The following CDH12 variants were observed in gnomAD, a reference collection of about 807,000 sequenced individuals.
CDH12 encodes the protein cadherin 12, also known as cadherin-12.
CDH12 carries 41 observed loss-of-function variants against 74.1 expected under a neutral mutation model. That is an observed-to-expected ratio of 0.55 (90% CI 0.43 to 0.72). The LOEUF is 0.72. CDH12 is among the 30% of genes least tolerant of loss of function. The pLI is 0.00. For missense variants in CDH12, 945 were observed against 977.2 expected, an observed-to-expected ratio of 0.97 and a Z score of 0.44; for synonymous variants, 399 against 355.0, an observed-to-expected ratio of 1.12 and a Z score of -1.39.
chr5:21,977,630 T>C (rs1757126384), intron 5 of CDH12, among the ~76,000 whole-genome samples: 2 of 152,108 alleles, frequency 1.3e-5, no homozygotes, highest in Non-Finnish European at 2.9e-5. Flanking sequence ...AAATCATAAC[T>C]GTTTCCTTTG....
intron 7 of CDH12, among the ~76,000 whole-genome samples, chr5:21,846,436 CCAGA>C (rs1340963481): frequency 1.3e-5 from 2 of 151,956 alleles, no homozygotes; most frequent in Non-Finnish European, 2.9e-5. Flanking sequence ...GTTCATTATC[CCAGA>C]CAATGACGCC....
intron 1 of CDH12, among the ~76,000 whole-genome samples, chr5:22,817,299 A>G (rs549032350): frequency 4.6e-5 from 7 of 152,210 alleles, no homozygotes; most frequent in Non-Finnish European, 1.0e-4. Flanking sequence ...TGTTTCTCAC[A>G]TTATTTACTA....
intron 1 of CDH12, among the ~76,000 whole-genome samples, chr5:22,625,993 C>T (rs1035766753): frequency 2.0e-4 from 31 of 152,234 alleles, no homozygotes; most frequent in Middle Eastern, 3.4e-3. Flanking sequence ...CACCCTGCTC[C>T]CCCACTGTAC....
intron 1 of CDH12, among the ~76,000 whole-genome samples, chr5:22,606,026 G>C (rs1737098471): frequency 2.0e-5 from 3 of 152,164 alleles, no homozygotes; most frequent in Non-Finnish European, 2.9e-5. Context: ...AAACCAGCTG[G>C]ATACTGTCCT....
At chr5:22,450,732 A>G (rs1745007848) in intron 2 of CDH12, among the ~76,000 whole-genome samples, 1 of 151,880 alleles carries the variant, frequency 6.6e-6, no homozygotes, top group African/African-American at 2.4e-5. Flanking sequence ...AATGGTTTTT[A>G]TCCTATTTCA....
intron 5 of CDH12, among the ~76,000 whole-genome samples, chr5:21,976,343 C>T (rs1757069726): frequency 6.6e-6 from 1 of 151,930 alleles, no homozygotes; most frequent in South Asian, 2.1e-4. Context: ...AGAGAATTAT[C>T]AGTGTAATGC....
At chr5:22,155,945 G>A (rs1432006790) in intron 4 of CDH12, among the ~76,000 whole-genome samples, 2 of 152,042 alleles carry the variant, frequency 1.3e-5, no homozygotes, top group Non-Finnish European at 2.9e-5. Context: ...TAGCATGTCA[G>A]GGTCTTATTA....
chr5:22,698,723 ATATATATATATAGTGTGTGT>A lies in CDH12; in HGVS notation c.-523+154315_-523+154334del, dbSNP rs1561586024. On this transcript the variant is annotated intron_variant, in intron 1 of 14. Coordinates refer to ENST00000382254, the MANE Select transcript of CDH12 (RefSeq NM_004061.5). ...TATATATATATATATATATATATAT[ATATATATATATAGTGTGTGT>A]GTGTGTGTGTGTGTGTGTGTGTGTG... Among the ~76,000 whole-genome samples, 37 of 16,504 alleles carry A rather than the reference ATATATATATATAGTGTGTGT, an allele frequency of 2.2e-3. 4 individuals are homozygous for A. The highest frequency in any genetic ancestry group is 8.4e-3 in the African/African-American group (33 of 3,914). The allele number at this position is 16,504 out of a possible 152,430, so 10.8% of individuals were successfully genotyped here.
At chr5:22,449,134 AC>A (rs1167328054) in intron 2 of CDH12, among the ~76,000 whole-genome samples, 1 of 152,092 alleles carries the variant, frequency 6.6e-6, no homozygotes, top group East Asian at 1.9e-4. Context: ...TATGAGATGA[AC>A]CTTTTACTGG....
chr5:22,132,842 A>G (rs191076721), intron 4 of CDH12, among the ~76,000 whole-genome samples: 56 of 152,222 alleles, frequency 3.7e-4, no homozygotes, highest in African/African-American at 1.3e-3. Flanking sequence ...GATTCCTTCC[A>G]GCCATCACTA....
At chr5:22,188,501 C>T (rs558623584) in intron 4 of CDH12, among the ~76,000 whole-genome samples, 47 of 152,254 alleles carry the variant, frequency 3.1e-4, no homozygotes, top group African/African-American at 1.1e-3. Context: ...TGCTGAGGGT[C>T]CGACTTTGTA....
chr5:22,278,815 T>A (rs1453689676), intron 3 of CDH12, among the ~76,000 whole-genome samples: 1 of 152,122 alleles, frequency 6.6e-6, no homozygotes, highest in African/African-American at 2.4e-5. Flanking sequence ...GAGGGGAAGG[T>A]AGCTATGGAG....
chr5:21,880,679 CTTTCT>C (rs1752297478), intron 6 of CDH12, among the ~76,000 whole-genome samples: 3 of 110,336 alleles, frequency 2.7e-5, no homozygotes, highest in African/African-American at 9.8e-5. Flanking sequence ...TTCTTTCTTT[CTTTCT>C]TTCTTTCTCT....
intron 3 of CDH12, among the ~76,000 whole-genome samples, chr5:22,391,901 A>G (rs761343799): frequency 5.3e-5 from 8 of 152,240 alleles, no homozygotes; most frequent in African/African-American, 9.6e-5. Context: ...AAAAATAAAA[A>G]TAATAGCATG....
At chr5:22,304,543 G>A (rs945430370) in intron 3 of CDH12, among the ~76,000 whole-genome samples, 2 of 152,152 alleles carry the variant, frequency 1.3e-5, no homozygotes, top group Non-Finnish European at 2.9e-5. Flanking sequence ...AGCAAAGTCC[G>A]ATGATGGCAT....
chr5:21,755,554 C>A lies in CDH12; in HGVS notation c.1885+37G>T, dbSNP rs371027824. 3.3e-5 allele frequency: 53 copies of A among 1,583,874 alleles called. No homozygotes were observed. In the African/African-American group the frequency reaches 5.8e-4, roughly 17 times the overall value. ...AGAGGGGAAAAAAAGGAAGAGAGAGCGAGAAAAAATTAACAATGATTAATA... is the reference window on the plus strand; with the variant it reads ...AGAGGGGAAAAAAAGGAAGAGAGAGAGAGAAAAAATTAACAATGATTAATA... On this transcript the variant is annotated intron_variant, in intron 14 of 14. Coordinates refer to ENST00000382254, the MANE Select transcript of CDH12 (RefSeq NM_004061.5).
intron 9 of CDH12, among the ~76,000 whole-genome samples, chr5:21,814,604 A>C (rs1213316806): frequency 6.6e-6 from 1 of 151,206 alleles, no homozygotes; most frequent in African/African-American, 2.4e-5. Context: ...GAAAACATAA[A>C]CATAAAACTA....
At chr5:22,413,297 T>C (rs1470925098) in intron 2 of CDH12, among the ~76,000 whole-genome samples, 1 of 151,930 alleles carries the variant, frequency 6.6e-6, no homozygotes, top group Non-Finnish European at 1.5e-5. Flanking sequence ...AAGCTCAAAA[T>C]GCATTAGAAT....
At chr5:22,383,767 C>CATG (rs780797298) in intron 3 of CDH12, among the ~76,000 whole-genome samples, 24 of 152,140 alleles carry the variant, frequency 1.6e-4, no homozygotes, top group Non-Finnish European at 2.4e-4. Flanking sequence ...TTCACGTGAA[C>CATG]ATGATTGTTC....
Sources: allele counts gnomAD v4.1 joint callset (sites outside exome capture counted in the v4.1 genomes callset), GRCh38; gene constraint gnomAD v4.1.1; transcripts MANE v1.5; gene names NCBI Gene and HGNC (gene_info 2026-07-23, HGNC 2026-07-21).